Variants in EIF3H observed in about 807,000 individuals in gnomAD.
The protein encoded by EIF3H is eIF-3-gamma.
Under a neutral mutation model 44.2 loss-of-function variants are expected in EIF3H, and 26 were observed. That is an observed-to-expected ratio of 0.59 (90% confidence interval 0.43 to 0.82). EIF3H has a LOEUF of 0.82. EIF3H is among the 40% of genes least tolerant of loss of function. EIF3H has a pLI of 0.00. For missense variants in EIF3H, 359 were observed against 432.8 expected, an observed-to-expected ratio of 0.83 and a Z score of 1.51; for synonymous variants, 166 against 151.9, an observed-to-expected ratio of 1.09 and a Z score of -0.68.
At chr8:116,697,729 A>C (rs542184155) in intron 2 of EIF3H, among the ~76,000 whole-genome samples, 2 of 152,316 alleles carry the variant, frequency 1.3e-5, no homozygotes, top group African/African-American at 4.8e-5. Context: ...ATTCTCTTTT[A>C]AAAGCTTCTA....
At chr8:116,649,911 A>G (rs937015032) in intron 5 of EIF3H, among the ~76,000 whole-genome samples, 9 of 152,226 alleles carry the variant, frequency 5.9e-5, no homozygotes, top group Non-Finnish European at 1.2e-4. Context: ...AAAATATTGT[A>G]GGCAAAAGAA....
At chr8:116,714,078 A>G (rs1814619904) in intron 2 of EIF3H, among the ~76,000 whole-genome samples, 1 of 152,164 alleles carries the variant, frequency 6.6e-6, no homozygotes, top group African/African-American at 2.4e-5. Flanking sequence ...ATACTAAAGC[A>G]ACAGCAATAT....
At chr8:116,752,737 GAAA>G (rs1586496402) in intron 1 of EIF3H, among the ~76,000 whole-genome samples, 2 of 91,880 alleles carry the variant, frequency 2.2e-5, no homozygotes, top group African/African-American at 4.5e-5. Flanking sequence ...AGAAAGAAGA[GAAA>G]GAAAGAAAGA....
exon 1 of EIF3H, chr8:116,765,646 T>TA (rs1815563927): frequency 6.6e-6 from 1 of 152,254 alleles, no homozygotes; most frequent in Non-Finnish European, 1.5e-5. Flanking sequence ...ACTGGCCCAG[T>TA]ATGTAGTCTT....
intron 2 of EIF3H, among the ~76,000 whole-genome samples, chr8:116,668,243 T>C (rs1205165602): frequency 6.6e-6 from 1 of 152,162 alleles, no homozygotes; most frequent in East Asian, 1.9e-4. Context: ...AAGCAGAATA[T>C]AAAACTATAA....
chr8:116,655,407 G>C (rs571978755), intron 5 of EIF3H, among the ~76,000 whole-genome samples: 2 of 151,978 alleles, frequency 1.3e-5, no homozygotes, highest in African/African-American at 4.8e-5. Flanking sequence ...TTTTACAACT[G>C]CAAGAGTCTG....
At chr8:116,675,103 A>T (rs1316262290) in intron 2 of EIF3H, among the ~76,000 whole-genome samples, 2 of 136,590 alleles carry the variant, frequency 1.5e-5, no homozygotes, top group African/African-American at 6.1e-5. Flanking sequence ...ATTGATTTAT[A>T]AAAAAATCTC....
intron 1 of EIF3H, among the ~76,000 whole-genome samples, chr8:116,752,053 TAAAAG>T (rs900222991): frequency 1.3e-5 from 2 of 151,816 alleles, no homozygotes; most frequent in Non-Finnish European, 2.9e-5. Flanking sequence ...AGAAGAAACA[TAAAAG>T]GAAAGGAGTA....
At chr8:116,664,165 C>A (rs765320593) in intron 2 of EIF3H, among the ~76,000 whole-genome samples, 4 of 152,116 alleles carry the variant, frequency 2.6e-5, no homozygotes. Flanking sequence ...AAGTTTGGCA[C>A]CAGTATATTC....
intron 2 of EIF3H, among the ~76,000 whole-genome samples, chr8:116,673,519 TGA>T (rs1002105074): frequency 2.7e-5 from 4 of 150,358 alleles, no homozygotes; most frequent in African/African-American, 1.0e-4. Flanking sequence ...TAAAAAACTG[TGA>T]TATTTTTGCT....
chr8:116,745,256 C>A (rs1815211623), intron 1 of EIF3H, among the ~76,000 whole-genome samples: 1 of 152,210 alleles, frequency 6.6e-6, no homozygotes, highest in Non-Finnish European at 1.5e-5. Flanking sequence ...CCAACAGTAA[C>A]TATTACCAAC....
chr8:116,707,056 C>T (rs1814483852), intron 2 of EIF3H, among the ~76,000 whole-genome samples: 1 of 152,194 alleles, frequency 6.6e-6, no homozygotes, highest in Admixed American at 6.5e-5. Flanking sequence ...CTCTCCTCTA[C>T]GTTTTCAACA....
rs200175399 is a variant in EIF3H at position 116,755,638 on chromosome 8, G to A, written c.132+28C>T. 1.8e-5 allele frequency: 29 copies of A among 1,613,220 alleles called. No homozygotes were observed. The Admixed American group carries it at 2.3e-4, about 13-fold the overall frequency. The stretch of plus-strand genomic sequence containing the variant: ...GGGCTGGGAACTGCGCTCCCCACGT[G>A]GGCCAGAGGAAAAAGAACAGCACTC... On this transcript the variant is annotated intron_variant, in intron 1 of 7. Transcript: ENST00000521861.
chr8:116,703,886 G>A (rs530299460), intron 2 of EIF3H, among the ~76,000 whole-genome samples: 141 of 152,228 alleles, frequency 9.3e-4, no homozygotes, highest in African/African-American at 3.1e-3. Flanking sequence ...CACACGAAGA[G>A]AAAAACCCAC....
At chr8:116,743,811 C>A (rs1373521314) in intron 1 of EIF3H, among the ~76,000 whole-genome samples, 109 of 110,344 alleles carry the variant, frequency 9.9e-4, no homozygotes, top group African/African-American at 4.7e-3. Context: ...CACACACACA[C>A]ACACACACAC....
chr8:116,756,173 A>G (rs932182581), upstream of EIF3H, among the ~76,000 whole-genome samples: 8 of 152,334 alleles, frequency 5.3e-5, no homozygotes, highest in South Asian at 2.1e-4. Flanking sequence ...AACTCGCATT[A>G]TGCATATTAG....
intron 2 of EIF3H, among the ~76,000 whole-genome samples, chr8:116,679,080 C>G (rs1380893425): frequency 3.4e-5 from 2 of 58,858 alleles, no homozygotes; most frequent in Non-Finnish European, 9.8e-5. Context: ...AGTGAGGAGT[C>G]CCTCTGCCCG....
At chr8:116,645,617 T>C (rs984697851) in intron 7 of EIF3H, among the ~76,000 whole-genome samples, 2 of 152,250 alleles carry the variant, frequency 1.3e-5, no homozygotes, top group Non-Finnish European at 2.9e-5. Flanking sequence ...CATTGCTTTT[T>C]ATGTCTTTAA....
In EIF3H at chr8:116,661,341, C is replaced by T. The variant is rs1586437744; in HGVS notation, c.290-2361G>A. On this transcript the variant is annotated intron_variant, in intron 2 of 7. Transcript: ENST00000521861. ...CATTATTTTTAAATCAAAACTTATGCAACGTATTAGTATAAAATTTAGCTA... is the reference window on the plus strand; with the variant it reads ...CATTATTTTTAAATCAAAACTTATGTAACGTATTAGTATAAAATTTAGCTA... 3.9e-5 allele frequency among the ~76,000 whole-genome samples: 6 copies of T among 152,268 alleles called. 1 individual carries two copies. Among genetic ancestry groups the T allele is most frequent in the Admixed American group, 3.9e-4 (6 of 15,296 alleles).
Sources: allele counts gnomAD v4.1 joint callset (sites outside exome capture counted in the v4.1 genomes callset), GRCh38; gene constraint gnomAD v4.1.1; transcripts MANE v1.5; gene names NCBI Gene and HGNC (gene_info 2026-07-23, HGNC 2026-07-21).